Variants in CUX2 observed in about 807,000 individuals in gnomAD.
CUX2 encodes the protein homeobox protein cut-like 2.
In CUX2, 40 loss-of-function variants were observed where a neutral mutation model predicts 144.8. The observed-to-expected ratio is 0.28, with a 90% CI of 0.21 to 0.36. The LOEUF is 0.36. Among genes scored for constraint, CUX2 ranks in the 10% least tolerant of loss-of-function variants. CUX2 has a pLI of 1.00. For synonymous variants in CUX2, 827 were observed against 875.6 expected (o/e 0.94, Z 0.98); for missense variants, 1,615 against 1,994.0 (o/e 0.81, Z 3.62).
chr12:111,256,439 C>T (rs1424170363), intron 3 of CUX2, among the ~76,000 whole-genome samples: 1 of 152,160 alleles, frequency 6.6e-6, no homozygotes, highest in Non-Finnish European at 1.5e-5. Context: ...CGCTTGTCCA[C>T]CAGTCTTCAG....
chr12:111,296,736 C>T (rs1313295101), intron 8 of CUX2, among the ~76,000 whole-genome samples, 197 bp downstream of exon 8: 2 of 124,716 alleles, frequency 1.6e-5, no homozygotes, highest in African/African-American at 6.4e-5. Context: ...AGAGAGGCCT[C>T]CTCCCTCTGA....
intron 1 of CUX2, among the ~76,000 whole-genome samples, chr12:111,142,851 C>G (rs1876418321): frequency 6.6e-6 from 1 of 152,092 alleles, no homozygotes; most frequent in Non-Finnish European, 1.5e-5. Flanking sequence ...GGAGCTGCAG[C>G]TGGGGGAGGC....
intron 4 of CUX2, among the ~76,000 whole-genome samples, chr12:111,271,348 CCT>C (rs1491019837): frequency 2.0e-5 from 3 of 152,142 alleles, no homozygotes; most frequent in African/African-American, 7.2e-5. Context: ...GTGATTTTTC[CCT>C]GTGTACTTTT....
chr12:111,173,741 G>A (rs1469197876), intron 1 of CUX2, among the ~76,000 whole-genome samples: 1 of 152,184 alleles, frequency 6.6e-6, no homozygotes, highest in African/African-American at 2.4e-5. Context: ...ACTTGAGCAT[G>A]CATTTAAATC....
chr12:111,279,325 G>A lies in CUX2; in HGVS notation c.302-12093G>A, dbSNP rs202086775. Among the ~76,000 whole-genome samples the A allele has an allele frequency of 3.3e-5, 5 of 152,240 alleles. No individual in the cohort carries two copies. In the East Asian group the frequency reaches 7.7e-4, roughly 23 times the overall value. ...AGACTTGGAGCCTTGGCAGTTCCTC[G>A]GTCCTGCCTGTCTCACAGTTTGTAT... On this transcript the variant is annotated intron_variant, in intron 4 of 21. Transcript: ENST00000261726.
At chr12:111,191,244 C>T (rs761139087) in intron 1 of CUX2, among the ~76,000 whole-genome samples, 37 of 152,212 alleles carry the variant, frequency 2.4e-4, no homozygotes, top group South Asian at 4.1e-4. Flanking sequence ...GTGCTAAGAA[C>T]GTGCCTGGCC....
At chr12:111,220,648 T>C (rs1881796515) in intron 3 of CUX2, among the ~76,000 whole-genome samples, 1 of 144,276 alleles carries the variant, frequency 6.9e-6, no homozygotes, top group Non-Finnish European at 1.5e-5. Flanking sequence ...CACTCATGCC[T>C]GTAATCTCAG....
At chr12:111,107,304 C>T (rs773888985) in intron 1 of CUX2, among the ~76,000 whole-genome samples, 2 of 152,252 alleles carry the variant, frequency 1.3e-5, no homozygotes, top group Non-Finnish European at 2.9e-5. Flanking sequence ...ACCTGGTGTG[C>T]ACCTGGAGTC....
In CUX2 at chr12:111,068,680, T is replaced by C. The variant is rs541628764; in HGVS notation, c.63+34440T>C. 2.0e-5 allele frequency among the ~76,000 whole-genome samples: 3 copies of C among 152,178 alleles called. No individual in the cohort carries two copies. Among genetic ancestry groups the C allele is most frequent in the Non-Finnish European group, 4.4e-5 (3 of 68,024 alleles). On this transcript the variant is annotated intron_variant, in intron 1 of 21. Transcript: ENST00000261726. This position sits in a 1 kb window ranked among gnomAD's most constrained non-coding sequence, Gnocchi z 4.9. ...CCTGCTCTGCCTTGCGTGGTTCAAC[T>C]CCGCCCCCTTCTTCCCTGATTCGTG...
chr12:111,136,550 A>G (rs78721334), intron 1 of CUX2, among the ~76,000 whole-genome samples: 5,540 of 152,336 alleles, frequency 0.036, 215 homozygotes, highest in Admixed American at 0.11. Flanking sequence ...GTCAAGAAAT[A>G]AAATGACAGG....
At chr12:111,257,850 C>T (rs1210740321) in intron 3 of CUX2, among the ~76,000 whole-genome samples, 2 of 151,966 alleles carry the variant, frequency 1.3e-5, no homozygotes, top group East Asian at 3.9e-4. Flanking sequence ...TGTCATAGGG[C>T]AAATCTGTCA....
intron 1 of CUX2, among the ~76,000 whole-genome samples, chr12:111,126,625 C>T (rs1046323617): frequency 6.6e-6 from 1 of 152,166 alleles, no homozygotes; most frequent in Non-Finnish European, 1.5e-5. Context: ...TTAGAAGAGG[C>T]CCACTCACAT....
chr12:111,309,519 G>T (rs1886764375), intron 14 of CUX2, among the ~76,000 whole-genome samples: 1 of 152,140 alleles, frequency 6.6e-6, no homozygotes, highest in Non-Finnish European at 1.5e-5. Context: ...AGGGGGTAGG[G>T]CAGAAAGAGC....
chr12:111,077,265 A>T lies in CUX2; in HGVS notation c.63+43025A>T, dbSNP rs546312564. On this transcript the variant is annotated intron_variant, in intron 1 of 21. Transcript: ENST00000261726. The surrounding 1 kb of genome is among the most constrained non-coding windows in gnomAD (Gnocchi z 4.1). ...TGCCTGCCCTGCTTGGGGAGTTGAAAGAGGCCTTTCCTTGAAACGCGCAGC... is the reference window on the plus strand; with the variant it reads ...TGCCTGCCCTGCTTGGGGAGTTGAATGAGGCCTTTCCTTGAAACGCGCAGC... Among the ~76,000 whole-genome samples the T allele has an allele frequency of 7.0e-4, 105 of 150,308 alleles. No individual in the cohort carries two copies. The highest frequency in any genetic ancestry group is 2.6e-3 in the African/African-American group (104 of 39,662).
chr12:111,148,253 T>C (rs749112714), intron 1 of CUX2, among the ~76,000 whole-genome samples: 1 of 151,928 alleles, frequency 6.6e-6, no homozygotes, highest in Non-Finnish European at 1.5e-5. Context: ...GAAGACATCA[T>C]ACTAAGTGAA....
intron 18 of CUX2, among the ~76,000 whole-genome samples, chr12:111,333,072 G>A (rs1351389858): frequency 6.6e-6 from 1 of 152,112 alleles, no homozygotes; most frequent in African/African-American, 2.4e-5. Context: ...AGCCGGGTGT[G>A]GTGGCATGCA....
In CUX2 at chr12:111,233,126, G is replaced by GT. The variant is rs1202927133; in HGVS notation, c.222+15189_222+15190insT. 2.0e-5 allele frequency among the ~76,000 whole-genome samples: 3 copies of GT among 152,172 alleles called. 1 individual carries two copies. Among genetic ancestry groups the GT allele is most frequent in the Non-Finnish European group, 1.5e-5 (1 of 68,018 alleles). The stretch of plus-strand genomic sequence containing the variant: ...GGAATAGCAGGTACAAATGCCCCAA[G>GT]GCAGGAGGCAAGTGGGAATTGCAGG... On this transcript the variant is annotated intron_variant, in intron 3 of 21. Transcript: ENST00000261726.
chr12:111,336,012 C>T (rs1417500457), intron 19 of CUX2, among the ~76,000 whole-genome samples: 1 of 152,064 alleles, frequency 6.6e-6, no homozygotes, highest in African/African-American at 2.4e-5. Context: ...AGGCATCTGG[C>T]TCTGACCTGG....
At chr12:111,084,653 A>G (rs960766279) in intron 1 of CUX2, among the ~76,000 whole-genome samples, 4 of 152,230 alleles carry the variant, frequency 2.6e-5, no homozygotes, top group Middle Eastern at 3.2e-3. Flanking sequence ...CATTTTAAAT[A>G]CCTGTGAACG....
Sources: allele counts gnomAD v4.1 joint callset (sites outside exome capture counted in the v4.1 genomes callset), GRCh38; gene constraint gnomAD v4.1.1; non-coding constraint Gnocchi (gnomAD v3.1); transcripts MANE v1.5; gene names NCBI Gene and HGNC (gene_info 2026-07-23, HGNC 2026-07-21).